AGAP1: variants seen among roughly 807,000 people sequenced by gnomAD.
AGAP1 encodes the protein arf-GAP with GTPase, ANK repeat and PH domain-containing protein 1.
Under a neutral mutation model 105.3 loss-of-function variants are expected in AGAP1, and 29 were observed. The ratio of observed to expected loss-of-function variants is 0.28; its 90% CI spans 0.21 to 0.38. The LOEUF is 0.38. Among genes scored for constraint, AGAP1 ranks in the 10% least tolerant of loss-of-function variants. AGAP1 has a pLI of 1.00. For missense variants in AGAP1, 998 were observed against 1,165.1 expected (o/e 0.86, Z 2.09); for synonymous variants, 509 against 485.9 (o/e 1.05, Z -0.63).
chr2:235,803,810 T>C (rs1957703289), intron 8 of AGAP1, among the ~76,000 whole-genome samples: 1 of 152,216 alleles, frequency 6.6e-6, no homozygotes, highest in Non-Finnish European at 1.5e-5. Flanking sequence ...ACATTTGCAG[T>C]AGGAATTCTA....
chr2:235,744,931 GA>G lies in AGAP1; in HGVS notation c.538+97del. ...GAGTTTAAAAAATGCTTTAAAGAAG[GA>G]AAAATTGCCTACTGAACGCTCACTT... On this transcript the variant is annotated intron_variant, in intron 5 of 17. Transcript: ENST00000304032. This position sits in a 1 kb window ranked among gnomAD's most constrained non-coding sequence, Gnocchi z 5.2. 1 of 1,473,884 alleles carries G rather than the reference GA, an allele frequency of 6.8e-7. No homozygotes were observed. The highest frequency in any genetic ancestry group is 1.4e-5 in the South Asian group (1 of 73,030). 91.3% of individuals were successfully genotyped at this position (1,473,884 alleles called of 1,614,324 possible).
intron 6 of AGAP1, among the ~76,000 whole-genome samples, chr2:235,794,157 C>T (rs967201524): frequency 1.3e-5 from 2 of 152,130 alleles, no homozygotes; most frequent in African/African-American, 4.8e-5. Context: ...TGGTTTTCAC[C>T]TTTATACAAT....
intron 9 of AGAP1, among the ~76,000 whole-genome samples, chr2:235,851,153 C>A (rs1350666565): frequency 6.6e-6 from 1 of 152,262 alleles, no homozygotes; most frequent in African/African-American, 2.4e-5. Flanking sequence ...GCCAGTGTTA[C>A]CAGGACCTCT....
chr2:235,521,562 G>T (rs1304430693), intron 1 of AGAP1, among the ~76,000 whole-genome samples: 1 of 152,060 alleles, frequency 6.6e-6, no homozygotes, highest in Non-Finnish European at 1.5e-5. Flanking sequence ...TTGGATACAG[G>T]TAGCTTCCCA....
rs927257039 is a variant in AGAP1 at position 235,988,461 on chromosome 2, A to G, written c.1645+19838A>G. Among the ~76,000 whole-genome samples, 11 of 151,234 alleles carry G rather than the reference A, an allele frequency of 7.3e-5. No individual in the cohort carries two copies. Among genetic ancestry groups the G allele is most frequent in the Non-Finnish European group, 1.5e-4 (10 of 67,866 alleles). Reference sequence around the variant, plus strand: ...TTCTTGTCCTTAAATGCCACCCCCAACCCCCGCCCCGAAGTCAGGAAGTGA... The same window carrying G: ...TTCTTGTCCTTAAATGCCACCCCCAGCCCCCGCCCCGAAGTCAGGAAGTGA... On this transcript the variant is annotated intron_variant, in intron 13 of 17. Coordinates refer to ENST00000304032, the MANE Select transcript of AGAP1 (RefSeq NM_001037131.3). The surrounding 1 kb of genome is among the most constrained non-coding windows in gnomAD (Gnocchi z 4.7).
rs768791349 is a variant in AGAP1 at position 235,718,652 on chromosome 2, G to A, written c.310+1008G>A. ...CTCTTGTCCTGAATACTGCGGAACC[G>A]TTCGGAGAAGTATAAAAGTGGCTTG... On this transcript the variant is annotated intron_variant, in intron 3 of 17. Transcript: ENST00000304032. 5.3e-5 allele frequency among the ~76,000 whole-genome samples: 8 copies of A among 152,312 alleles called. 1 individual carries two copies. In the South Asian group the frequency reaches 6.2e-4, roughly 12 times the overall value.
In AGAP1 at chr2:236,036,013, C is replaced by A. The variant is rs1183669562; in HGVS notation, c.1646-548C>A. On this transcript the variant is annotated intron_variant, in intron 13 of 17. Transcript: ENST00000304032. This position sits in a 1 kb window ranked among gnomAD's most constrained non-coding sequence, Gnocchi z 5.7. ...TCTGGGGCCTGTCTCAGCTGAGATC[C>A]TCCTAAGGCACGCGGGATCCCATGC... Among the ~76,000 whole-genome samples the A allele has an allele frequency of 6.6e-6, 1 of 152,066 alleles. No individual in the cohort carries two copies. The highest frequency in any genetic ancestry group is 2.4e-5 in the African/African-American group (1 of 41,410).
chr2:235,731,424 A>G (rs1036418125), intron 3 of AGAP1, among the ~76,000 whole-genome samples: 1 of 152,196 alleles, frequency 6.6e-6, no homozygotes, highest in Admixed American at 6.5e-5. Context: ...CACTTGTCCA[A>G]GACGTGCTAT....
intron 13 of AGAP1, among the ~76,000 whole-genome samples, chr2:235,995,031 A>C (rs1220705201): frequency 1.4e-4 from 15 of 105,010 alleles, no homozygotes; most frequent in Non-Finnish European, 2.3e-4. Flanking sequence ...CGCGCCTTGC[A>C]CTCCAACCAG....
At chr2:235,946,070 C>T (rs190459667) in intron 12 of AGAP1, among the ~76,000 whole-genome samples, 2 of 150,734 alleles carry the variant, frequency 1.3e-5, no homozygotes, top group Non-Finnish European at 1.5e-5. Flanking sequence ...CAGATCCAGG[C>T]GGAGACACAG....
intron 9 of AGAP1, among the ~76,000 whole-genome samples, chr2:235,850,218 G>A (rs1962031045): frequency 6.6e-6 from 1 of 152,268 alleles, no homozygotes; most frequent in Non-Finnish European, 1.5e-5. Context: ...GGAGATTCTG[G>A]AAGGAAGATG....
chr2:235,935,852 G>A (rs1172724920), intron 12 of AGAP1, among the ~76,000 whole-genome samples: 2 of 152,166 alleles, frequency 1.3e-5, no homozygotes, highest in Non-Finnish European at 2.9e-5. Context: ...GGGGTCGTAT[G>A]TGGCATACTT....
In AGAP1 at chr2:236,076,346, G is replaced by C. The variant is rs1017585494; in HGVS notation, c.2114+27065G>C. Among the ~76,000 whole-genome samples, 22 of 152,202 alleles carry C rather than the reference G, an allele frequency of 1.4e-4. No individual in the cohort carries two copies. Among genetic ancestry groups the C allele is most frequent in the African/African-American group, 5.3e-4 (22 of 41,516 alleles). Reference sequence around the variant, plus strand: ...GCCCATAATCCCAGCTACTTGGGAGGCTGAGGCAGAATTGCTTGAACCCTG... The same window carrying C: ...GCCCATAATCCCAGCTACTTGGGAGCCTGAGGCAGAATTGCTTGAACCCTG... On this transcript the variant is annotated intron_variant, in intron 16 of 17. Coordinates refer to ENST00000304032, the MANE Select transcript of AGAP1 (RefSeq NM_001037131.3). The surrounding 1 kb of genome is among the most constrained non-coding windows in gnomAD (Gnocchi z 4.4).
chr2:235,679,047 A>G (rs1292906076), intron 1 of AGAP1, among the ~76,000 whole-genome samples: 2 of 152,234 alleles, frequency 1.3e-5, no homozygotes, highest in Non-Finnish European at 2.9e-5. Flanking sequence ...TAATACAATG[A>G]TGGCGGCAAG....
Position 235,970,543 on chromosome 2 carries a change from C to G in AGAP1, c.1645+1920C>G, listed in dbSNP as rs1298558576. Among the ~76,000 whole-genome samples, 2 of 152,214 alleles carry G rather than the reference C, an allele frequency of 1.3e-5. No homozygotes were observed. The highest frequency in any genetic ancestry group is 2.4e-5 in the African/African-American group (1 of 41,454). ...CGCCAGATTCCCTTTAAGGACAGGC[C>G]TTGTTCTCACTTTCACAGGCACGCG... On this transcript the variant is annotated intron_variant, in intron 13 of 17. Coordinates refer to ENST00000304032, the MANE Select transcript of AGAP1 (RefSeq NM_001037131.3). This position sits in a 1 kb window ranked among gnomAD's most constrained non-coding sequence, Gnocchi z 5.4.
chr2:236,098,620 CTTT>C lies in AGAP1; in HGVS notation c.2115-21555_2115-21553del, dbSNP rs34419216. 2.1e-3 allele frequency among the ~76,000 whole-genome samples: 239 copies of C among 115,204 alleles called. 3 individuals are homozygous for C. Among genetic ancestry groups the C allele is most frequent in the Non-Finnish European group, 2.7e-3 (164 of 59,922 alleles). 75.6% of individuals were successfully genotyped at this position (115,204 alleles called of 152,430 possible). A position where few individuals can be genotyped will look rare whatever the true frequency, so the allele number is the denominator to read the frequency against. On this transcript the variant is annotated intron_variant, in intron 16 of 17. Transcript: ENST00000304032. ...GCTGACTTGATGAAATCTTTTTTTC[CTTT>C]TTTTTTTTTTTTTTTTAGAGAAACA...
chr2:235,860,253 A>G (rs561249730), intron 9 of AGAP1, among the ~76,000 whole-genome samples: 155 of 152,372 alleles, frequency 1.0e-3, no homozygotes, highest in Non-Finnish European at 1.9e-3. Context: ...CCTAGCACTC[A>G]AGGCAAAAAG....
intron 12 of AGAP1, among the ~76,000 whole-genome samples, chr2:235,932,805 G>C (rs188965726): frequency 2.6e-5 from 4 of 152,302 alleles, no homozygotes; most frequent in African/African-American, 9.6e-5. Context: ...CCGCCACATC[G>C]TGAGACACTG....
chr2:236,088,049 G>A (rs1404479498), intron 16 of AGAP1, among the ~76,000 whole-genome samples: 1 of 152,174 alleles, frequency 6.6e-6, no homozygotes, highest in Non-Finnish European at 1.5e-5. Context: ...GAGCAAGAAA[G>A]ACCCTCAGTC....
Sources: gnomAD v4.1 joint callset for allele counts (sites outside exome capture counted in the v4.1 genomes callset) on GRCh38, gnomAD v4.1.1 for gene constraint, Gnocchi (gnomAD v3.1) non-coding constraint, MANE v1.5 for transcripts, NCBI Gene and HGNC (gene_info 2026-07-23, HGNC 2026-07-21) for gene names.